SRGAP2B: variants seen among roughly 807,000 people sequenced by gnomAD.
SRGAP2B encodes the protein SLIT-ROBO Rho GTPase-activating protein 2B.
A neutral mutation model predicts 22.2 loss-of-function variants in SRGAP2B; 9 were observed. That is an observed-to-expected ratio of 0.41 (90% confidence interval 0.24 to 0.71). The LOEUF (loss-of-function observed/expected upper bound fraction) is 0.71, where lower values mean the gene tolerates loss of function less well. SRGAP2B is among the 30% of genes least tolerant of loss of function. The probability of loss-of-function intolerance (pLI) is 0.35; values close to 1 mark genes in which losing one functional copy is unlikely to be tolerated. For synonymous variants in SRGAP2B, 36 were observed against 87.4 expected, an observed-to-expected ratio of 0.41 and a Z score of 3.28; for missense variants, 114 against 235.8, an observed-to-expected ratio of 0.48 and a Z score of 3.38.
intron 2 of SRGAP2B, among the ~76,000 whole-genome samples, chr1:144,997,103 C>T (rs1417223440): frequency 6.6e-6 from 1 of 150,382 alleles, no homozygotes; most frequent in East Asian, 1.9e-4. Flanking sequence ...ATTCAGAATG[C>T]TTACTAATAT....
chr1:144,976,568 C>G (rs1307018116), intron 3 of SRGAP2B, among the ~76,000 whole-genome samples: 7 of 144,946 alleles, frequency 4.8e-5, no homozygotes, highest in African/African-American at 1.4e-4. Context: ...GCAACCGAGG[C>G]TCTCTGAAAA....
At chr1:144,987,926 C>T (rs1343552446) in intron 3 of SRGAP2B, among the ~76,000 whole-genome samples, 4 of 151,010 alleles carry the variant, frequency 2.6e-5, no homozygotes, top group Non-Finnish European at 4.4e-5. Context: ...GGGCAGAACT[C>T]ATCAGCTACG....
At chr1:144,921,250 G>A (rs1664229965) in intron 4 of SRGAP2B, among the ~76,000 whole-genome samples, 1 of 74,730 alleles carries the variant, frequency 1.3e-5, no homozygotes, top group Admixed American at 2.4e-4. Context: ...CAGCAAGCTA[G>A]ATATTGAATC....
intron 4 of SRGAP2B, among the ~76,000 whole-genome samples, chr1:144,925,002 GTC>G: frequency 6.7e-6 from 1 of 148,526 alleles, no homozygotes; most frequent in South Asian, 2.1e-4. Context: ...ACTAGGAAAT[GTC>G]TCTCTCTCTT....
chr1:145,068,901 G>A lies in SRGAP2B; in HGVS notation c.67+23934C>T, dbSNP rs1170138100. ...ATCCTAAATAAGGTAAAATGTGTGT[G>A]TGTGTGTGTGTGTGTGTGTGTGTGT... On this transcript the variant is annotated intron_variant, in intron 2 of 9. Coordinates refer to ENST00000612199, the Ensembl canonical transcript of SRGAP2B. Among the ~76,000 whole-genome samples the A allele has an allele frequency of 4.9e-3, 212 of 43,198 alleles. 1 individual carries two copies. The highest frequency in any genetic ancestry group is 0.017 in the African/African-American group (188 of 11,166). 28.3% of individuals were successfully genotyped at this position (43,198 alleles called of 152,430 possible).
intron 7 of SRGAP2B, among the ~76,000 whole-genome samples, chr1:144,902,918 GT>G (rs1284086218): frequency 3.7e-4 from 20 of 54,506 alleles, no homozygotes; most frequent in African/African-American, 1.1e-3. Flanking sequence ...CTTAGCAGAC[GT>G]TTTTTTTTTT....
At chr1:145,016,912 G>T (rs1460445197) in intron 2 of SRGAP2B, among the ~76,000 whole-genome samples, 1 of 146,748 alleles carries the variant, frequency 6.8e-6, no homozygotes, top group Non-Finnish European at 1.5e-5. Flanking sequence ...GCAGTGGTGC[G>T]ATCTCTGCTC....
chr1:144,964,628 C>T (rs1379795008), intron 3 of SRGAP2B, among the ~76,000 whole-genome samples: 1 of 151,148 alleles, frequency 6.6e-6, no homozygotes, highest in South Asian at 2.1e-4. Flanking sequence ...ACTCCATCTA[C>T]ACTCTGTGGA....
In SRGAP2B at chr1:145,068,917, G is replaced by A. The variant is rs1293709474; in HGVS notation, c.67+23918C>T. 2.8e-3 allele frequency among the ~76,000 whole-genome samples: 397 copies of A among 141,312 alleles called. 2 individuals carry two copies. The highest frequency in any genetic ancestry group is 0.011 in the African/African-American group (380 of 34,728). 92.7% of individuals were successfully genotyped at this position (141,312 alleles called of 152,430 possible). On this transcript the variant is annotated intron_variant, in intron 2 of 9. Transcript: ENST00000612199. ...AATGTGTGTGTGTGTGTGTGTGTGT[G>A]TGTGTGTGTGTGTGTGTGTGTGTGT... is the stretch of plus-strand genomic sequence containing the variant.
At chr1:144,943,479 C>A (rs1666226035) in intron 4 of SRGAP2B, among the ~76,000 whole-genome samples, 1 of 151,074 alleles carries the variant, frequency 6.6e-6, no homozygotes, top group Non-Finnish European at 1.5e-5. Context: ...CTATAACATA[C>A]ATCTACTATA....
rs1362381791 is a variant in SRGAP2B, at chr1:144,964,532, T to C, written c.261-8931A>G. On this transcript the variant is annotated intron_variant, in intron 3 of 9. Transcript: ENST00000612199. ...GGCAAAACTTTAAAGGGCTGAGTGG[T>C]ATAAGAGAAGCCCTAGTCAATTTCC... Among the ~76,000 whole-genome samples, 3 of 150,686 alleles carry C rather than the reference T, an allele frequency of 2.0e-5. 1 individual carries two copies. Among genetic ancestry groups the C allele is most frequent in the Admixed American group, 2.0e-4 (3 of 15,170 alleles).
chr1:145,020,431 T>TA (rs782440915), intron 2 of SRGAP2B, among the ~76,000 whole-genome samples: 2,036 of 81,100 alleles, frequency 0.025, 61 homozygotes, highest in African/African-American at 0.082. Flanking sequence ...CTTGTCTCTT[T>TA]AAAAAAAAAA....
chr1:145,009,340 G>A (rs1419598577), intron 2 of SRGAP2B, among the ~76,000 whole-genome samples: 2 of 150,376 alleles, frequency 1.3e-5, no homozygotes, highest in Non-Finnish European at 2.9e-5. Flanking sequence ...TGTAATCCCA[G>A]CACTTTGGGA....
intron 5 of SRGAP2B, among the ~76,000 whole-genome samples, chr1:144,910,005 AT>A (rs2101718389): frequency 6.8e-6 from 1 of 147,186 alleles, no homozygotes; most frequent in East Asian, 2.0e-4. Flanking sequence ...ATGACCAGGC[AT>A]TTAAAGGAAA....
intron 4 of SRGAP2B, among the ~76,000 whole-genome samples, chr1:144,943,975 T>A (rs1193230804): frequency 6.7e-6 from 1 of 150,286 alleles, no homozygotes; most frequent in Non-Finnish European, 1.5e-5. Flanking sequence ...TTGATAAACA[T>A]CTTGGGTTTC....
At chr1:145,041,042 G>GA (rs1346236785) in intron 2 of SRGAP2B, among the ~76,000 whole-genome samples, 10 of 115,248 alleles carry the variant, frequency 8.7e-5, no homozygotes, top group African/African-American at 2.8e-4. Context: ...ATCACCATCT[G>GA]AAAAAATATC....
chr1:145,058,617 CTTTTTTT>C (rs1158243067), intron 2 of SRGAP2B, among the ~76,000 whole-genome samples: 1 of 48,340 alleles, frequency 2.1e-5, no homozygotes, highest in Non-Finnish European at 3.9e-5. Flanking sequence ...CAGTCAATGT[CTTTTTTT>C]TTTTTTTTTT....
chr1:144,965,475 C>T (rs1353229596), intron 3 of SRGAP2B, among the ~76,000 whole-genome samples: 6 of 145,116 alleles, frequency 4.1e-5, no homozygotes, highest in Admixed American at 3.4e-4. Flanking sequence ...ACATCCACAC[C>T]GAAAACCCAT....
chr1:144,985,317 A>G (rs1367956476), intron 3 of SRGAP2B, among the ~76,000 whole-genome samples: 38 of 143,162 alleles, frequency 2.7e-4, no homozygotes, highest in Non-Finnish European at 5.0e-4. Flanking sequence ...AACGCTGAAA[A>G]GATACTGACA....
Sources: allele counts gnomAD v4.1 joint callset (sites outside exome capture counted in the v4.1 genomes callset), GRCh38; gene constraint gnomAD v4.1.1; transcripts MANE v1.5; gene names NCBI Gene and HGNC (gene_info 2026-07-23, HGNC 2026-07-21).